The following SHISA9 variants were observed in gnomAD, a reference collection of about 807,000 sequenced individuals.
SHISA9 encodes shisa family member 9.
SHISA9 carries 13 observed loss-of-function variants against 38.0 expected under a neutral mutation model. That is an observed-to-expected ratio of 0.34 (90% confidence interval 0.22 to 0.54). The LOEUF (loss-of-function observed/expected upper bound fraction) is 0.54, where lower values mean the gene tolerates loss of function less well. Among genes scored for constraint, SHISA9 ranks in the 20% least tolerant of loss-of-function variants. The pLI is 0.91. For missense variants in SHISA9, 538 were observed against 575.8 expected (o/e 0.93, Z 0.67); for synonymous variants, 275 against 242.0 (o/e 1.14, Z -1.27).
intron 2 of SHISA9, among the ~76,000 whole-genome samples, chr16:13,027,288 T>C (rs2072934628): frequency 6.6e-6 from 1 of 152,186 alleles, no homozygotes; most frequent in Admixed American, 6.5e-5. Context: ...CAAACTTCCT[T>C]AAGCAACTAA....
the SHISA9 span, among the ~76,000 whole-genome samples, chr16:13,513,879 C>T: frequency 2.3e-3 from 350 of 152,216 alleles, no homozygotes; most frequent in Non-Finnish European, 3.6e-3. Context: ...CTAATGCATG[C>T]AGGGCTTAAA....
At chr16:13,088,889 A>T (rs2073742800) in intron 2 of SHISA9, among the ~76,000 whole-genome samples, 1 of 152,192 alleles carries the variant, frequency 6.6e-6, no homozygotes, top group African/African-American at 2.4e-5. Flanking sequence ...GCCTTGTGCC[A>T]GTTTTCAAAG....
the SHISA9 span, among the ~76,000 whole-genome samples, chr16:13,548,508 T>A: frequency 6.6e-6 from 1 of 152,010 alleles, no homozygotes; most frequent in Non-Finnish European, 1.5e-5. Context: ...AACACCTCAA[T>A]AGCAAAGTAA....
At chr16:13,059,995 A>G (rs1287656526) in intron 2 of SHISA9, among the ~76,000 whole-genome samples, 1 of 152,152 alleles carries the variant, frequency 6.6e-6, no homozygotes, top group Admixed American at 6.5e-5. Flanking sequence ...CTTTATCTTA[A>G]CAGCCCTAGC....
chr16:13,300,264 C>A, the SHISA9 span, among the ~76,000 whole-genome samples: 1 of 152,096 alleles, frequency 6.6e-6, no homozygotes, highest in Non-Finnish European at 1.5e-5. Flanking sequence ...CATTCCATTT[C>A]TGAGTGGGAT....
Position 13,235,360 on chromosome 16 carries a change from C to T in SHISA9, c.1226C>T (p.Pro409Leu), listed in dbSNP as rs920772228. Residue 409 changes from proline to leucine, a missense_variant, in exon 5 of 5, where the codon CCC (proline) becomes CTC (leucine). This residue lies in a region of SHISA9 where 326 missense variants were observed against 305.9 expected (regional missense o/e 1.07). Coordinates refer to ENST00000558583, the MANE Select transcript of SHISA9 (RefSeq NM_001145204.3). ...PLGTRPQHYPPPQPYFITNSK... is the reference protein window; with the variant it reads ...PLGTRPQHYPLPQPYFITNSK... ...GGAACTCGCCCCCAGCACTACCCAC[C>T]CCCACAGCCATACTTCATCACCAAC... 9.1e-6 allele frequency: 14 copies of T among 1,541,776 alleles called. No individual in the cohort carries two copies. Among genetic ancestry groups the T allele is most frequent in the Admixed American group, 3.9e-5 (2 of 50,970 alleles).
intron 2 of SHISA9, among the ~76,000 whole-genome samples, chr16:12,928,658 A>T (rs939616007): frequency 5.9e-5 from 9 of 152,210 alleles, no homozygotes; most frequent in Admixed American, 2.0e-4. Flanking sequence ...AAATATTCAG[A>T]TATTCTTGAC....
intron 2 of SHISA9, among the ~76,000 whole-genome samples, chr16:13,021,365 G>A (rs548869642): frequency 6.6e-6 from 1 of 152,284 alleles, no homozygotes; most frequent in South Asian, 2.1e-4. Context: ...AAACGGTAGT[G>A]CTGAGGTTGA....
At chr16:13,295,607 G>T in the SHISA9 span, among the ~76,000 whole-genome samples, 2 of 152,166 alleles carry the variant, frequency 1.3e-5, no homozygotes, top group African/African-American at 4.8e-5. Flanking sequence ...CGAAAGGCCA[G>T]CTGGGGTCTT....
At chr16:13,464,229 G>T in the SHISA9 span, among the ~76,000 whole-genome samples, 1 of 152,178 alleles carries the variant, frequency 6.6e-6, no homozygotes, top group Admixed American at 6.5e-5. Context: ...TTTAATTAAG[G>T]GTAGCTCTAA....
chr16:13,079,758 T>C (rs2073626072), intron 2 of SHISA9, among the ~76,000 whole-genome samples: 1 of 152,210 alleles, frequency 6.6e-6, no homozygotes, highest in East Asian at 1.9e-4. Flanking sequence ...AAAAATTCTA[T>C]TGTCATGACA....
chr16:13,185,341 A>G (rs1349172438), intron 2 of SHISA9, among the ~76,000 whole-genome samples: 1 of 152,240 alleles, frequency 6.6e-6, no homozygotes, highest in East Asian at 1.9e-4. Flanking sequence ...AGCTGGGCCT[A>G]CAGGGACATG....
At chr16:13,253,095 A>C in the SHISA9 span, among the ~76,000 whole-genome samples, 2 of 152,196 alleles carry the variant, frequency 1.3e-5, no homozygotes, top group Admixed American at 1.3e-4. Context: ...TAATAATAAC[A>C]TTTTATTTTC....
the SHISA9 span, among the ~76,000 whole-genome samples, chr16:13,406,273 A>G: frequency 6.6e-6 from 1 of 152,216 alleles, no homozygotes; most frequent in African/African-American, 2.4e-5. Flanking sequence ...GTAGAAAATC[A>G]GATAGCTCAC....
the SHISA9 span, among the ~76,000 whole-genome samples, chr16:13,465,663 G>A: frequency 1.3e-5 from 2 of 152,206 alleles, no homozygotes; most frequent in South Asian, 4.1e-4. Context: ...TCAGAAAGCT[G>A]AGTCATTTAT....
chr16:13,361,098 G>A, the SHISA9 span, among the ~76,000 whole-genome samples: 1 of 152,152 alleles, frequency 6.6e-6, no homozygotes, highest in South Asian at 2.1e-4. Context: ...CACCTTTCTA[G>A]TACTCACACT....
At chr16:13,485,985 G>A in the SHISA9 span, among the ~76,000 whole-genome samples, 1 of 152,044 alleles carries the variant, frequency 6.6e-6, no homozygotes, top group Non-Finnish European at 1.5e-5. Flanking sequence ...ATTTTTTATG[G>A]TTGAATAATA....
the SHISA9 span, among the ~76,000 whole-genome samples, chr16:13,324,225 A>G: frequency 6.6e-6 from 1 of 152,224 alleles, no homozygotes; most frequent in African/African-American, 2.4e-5. Context: ...ACCCAGCCTC[A>G]GGTATTCCTT....
At chr16:13,160,369 G>A (rs927843267) in intron 2 of SHISA9, among the ~76,000 whole-genome samples, 1 of 152,182 alleles carries the variant, frequency 6.6e-6, no homozygotes, top group African/African-American at 2.4e-5. Flanking sequence ...TTTGGTGTCT[G>A]CCTGCTATTG....
Sources: allele counts gnomAD v4.1 joint callset (sites outside exome capture counted in the v4.1 genomes callset), GRCh38; gene constraint gnomAD v4.1.1; regional missense constraint gnomAD v4.1.1; transcripts MANE v1.5; gene names NCBI Gene and HGNC (gene_info 2026-07-23, HGNC 2026-07-21).